SYNE2: variants seen among roughly 807,000 people sequenced by gnomAD.
SYNE2 encodes the protein spectrin repeat containing nuclear envelope protein 2, also known as nesprin-2.
Under a neutral mutation model 856.3 loss-of-function variants are expected in SYNE2, and 431 were observed. That is an observed-to-expected ratio of 0.50 (90% CI 0.47 to 0.55). The LOEUF (loss-of-function observed/expected upper bound fraction) is 0.55, where lower values mean the gene tolerates loss of function less well. Ranked by LOEUF, SYNE2 falls within the 20% of genes least tolerant of loss-of-function variation. SYNE2 has a pLI of 0.00. For missense variants in SYNE2, 8,129 were observed against 8,023.2 expected (o/e 1.01, Z -0.50); for synonymous variants, 2,923 against 2,872.3 (o/e 1.02, Z -0.56).
intron 29 of SYNE2, among the ~76,000 whole-genome samples, chr14:64,002,365 G>A (rs1373161149): frequency 1.3e-5 from 2 of 152,078 alleles, no homozygotes; most frequent in African/African-American, 2.4e-5. Flanking sequence ...CTAAATATAC[G>A]AGACTCATGC....
In SYNE2 at chr14:64,031,248, G is replaced by T. The variant is rs1434568897; in HGVS notation, c.7112G>T (p.Gly2371Val). 6.2e-7 allele frequency: 1 copy of T among 1,614,030 alleles called. No individual in the cohort carries two copies. The highest frequency in any genetic ancestry group is 8.5e-7 in the Non-Finnish European group (1 of 1,180,040). ...LKSKRSTEKK[G>V]KFTLPGREKQ... is the part of the protein sequence containing the mutation. ...TCAAAACGCTCAACAGAAAAGAAAG[G>T]AAAGTTTACTCTGCCAGGCAGAGAG... is the stretch of plus-strand genomic sequence containing the variant. Residue 2371 changes from glycine to valine, a missense_variant, in exon 45 of 116, where the codon GGA becomes GTA. This residue lies in a region of SYNE2 where 297 missense variants were observed against 380.9 expected (regional missense o/e 0.78). Transcript: ENST00000555002.
At chr14:64,076,164 A>G in intron 54 of SYNE2, 64 bp downstream of exon 54, 1 of 1,555,590 alleles carries the variant, frequency 6.4e-7, no homozygotes, top group Non-Finnish European at 8.8e-7. Context: ...GGAGGAAAAT[A>G]TCATTTAATG....
intron 1 of SYNE2, among the ~76,000 whole-genome samples, chr14:63,907,171 T>C (rs2095418644): frequency 6.6e-6 from 1 of 152,230 alleles, no homozygotes; most frequent in Non-Finnish European, 1.5e-5. Context: ...TCTGTACTTA[T>C]TAGAGGATTT....
At chr14:63,889,765 A>T (rs1303701863) in intron 1 of SYNE2, among the ~76,000 whole-genome samples, 1 of 152,126 alleles carries the variant, frequency 6.6e-6, no homozygotes, top group East Asian at 1.9e-4. Context: ...GATGTGAGCC[A>T]CTGTGCCCGG....
At chr14:63,847,325 G>A (rs1437939297) in intron 1 of SYNE2, among the ~76,000 whole-genome samples, 3 of 151,710 alleles carry the variant, frequency 2.0e-5, no homozygotes, top group Non-Finnish European at 4.4e-5. Flanking sequence ...GTGGTGGCAT[G>A]TGCCTGCTGT....
At chr14:63,772,696 C>G (rs561023761) in intron 1 of SYNE2, among the ~76,000 whole-genome samples, 28 of 147,872 alleles carry the variant, frequency 1.9e-4, no homozygotes, top group Admixed American at 1.7e-3. Context: ...GGAGCCGAGA[C>G]CATTCCACTG....
Position 64,131,604 on chromosome 14 carries a change from C to T in SYNE2, c.14341-661C>T, listed in dbSNP as rs570100690. 4.6e-5 allele frequency among the ~76,000 whole-genome samples: 7 copies of T among 152,166 alleles called. 1 individual carries two copies. In the South Asian group the frequency reaches 8.3e-4, roughly 18 times the overall value. On this transcript the variant is annotated intron_variant, in intron 76 of 115. Coordinates refer to ENST00000555002, the MANE Select transcript of SYNE2 (RefSeq NM_182914.3). ...TTTTTGTTTTTGTTTTTTTAAGAGA[C>T]ACGGTCTCACTCTGTATTCCAGGCT...
chr14:64,037,671 CCGGG>C, intron 45 of SYNE2, among the ~76,000 whole-genome samples: 9 of 16,376 alleles, frequency 5.5e-4, no homozygotes, highest in Admixed American at 7.4e-4. Flanking sequence ...AGGGTGGTGG[CCGGG>C]CAGAGGGGCC....
intron 1 of SYNE2, among the ~76,000 whole-genome samples, chr14:63,869,647 A>AAC (rs1470087414): frequency 7.3e-5 from 11 of 151,276 alleles, no homozygotes; most frequent in Non-Finnish European, 1.6e-4. Context: ...AAAAAAAAAA[A>AAC]AAAAAAAAAA....
chr14:64,016,469 A>T lies in SYNE2; in HGVS notation c.4729-4A>T, dbSNP rs2153526550. 2 of 1,555,690 alleles carry T rather than the reference A, an allele frequency of 1.3e-6. No individual in the cohort carries two copies. Among genetic ancestry groups the T allele is most frequent in the Middle Eastern group, 2.2e-4 (1 of 4,602 alleles). On this transcript the variant is annotated splice_region_variant and splice_polypyrimidine_tract_variant and intron_variant, in intron 32 of 115. Coordinates refer to ENST00000555002, the MANE Select transcript of SYNE2 (RefSeq NM_182914.3). ...CAGAAATAACTTTCATATCTTTTTTACAGATTGAAATTGTCAAAGAAGAAT... is the reference window on the plus strand; with the variant it reads ...CAGAAATAACTTTCATATCTTTTTTTCAGATTGAAATTGTCAAAGAAGAAT...
At chr14:63,986,378 G>A (rs2096625802) in intron 18 of SYNE2, 78 bp from the exon 19 acceptor site, 1 of 1,491,412 alleles carries the variant, frequency 6.7e-7, no homozygotes, top group African/African-American at 1.4e-5. Context: ...GGGATTACAG[G>A]TGTAACTTTT....
Position 64,080,165 on chromosome 14 carries a change from G to T in SYNE2, c.11164-291G>T, listed in dbSNP as rs114397077. ...TTGCTTGTCACTCTTGAGAGATGAG[G>T]GCTATATTGACCTTGTTTGTGTCAG... On this transcript the variant is annotated intron_variant, in intron 55 of 115. Coordinates refer to ENST00000555002, the MANE Select transcript of SYNE2 (RefSeq NM_182914.3). 0.014 allele frequency among the ~76,000 whole-genome samples: 2,144 copies of T among 152,132 alleles called. 57 individuals carry two copies. Among genetic ancestry groups the T allele is most frequent in the African/African-American group, 0.05 (2,061 of 41,480 alleles).
chr14:63,836,040 A>G (rs1255839669), intron 1 of SYNE2, among the ~76,000 whole-genome samples: 1 of 151,396 alleles, frequency 6.6e-6, no homozygotes, highest in African/African-American at 2.4e-5. Flanking sequence ...TTTAATTTGC[A>G]TTTCTAGTTC....
In SYNE2 at chr14:63,902,897, C is replaced by G. The variant is rs143267920; in HGVS notation, c.-51-6201C>G. Among the ~76,000 whole-genome samples the G allele has an allele frequency of 2.6e-5, 4 of 151,954 alleles. No homozygotes were observed. In the East Asian group the frequency reaches 7.8e-4, roughly 29 times the overall value. On this transcript the variant is annotated intron_variant, in intron 1 of 115. Transcript: ENST00000555002. Reference sequence around the variant, plus strand: ...TTTTTGTTGAGATGAAGGCTGGTTTCGAAGTCCTGGTCTCAAGCAGTCCTC... The same window carrying G: ...TTTTTGTTGAGATGAAGGCTGGTTTGGAAGTCCTGGTCTCAAGCAGTCCTC...
intron 30 of SYNE2, 135 bp downstream of exon 30, chr14:64,003,465 T>C (rs895402940): frequency 1.6e-6 from 2 of 1,239,774 alleles, no homozygotes; most frequent in East Asian, 4.6e-5. Context: ...TCAGCATTCT[T>C]TTCTGTAGAC....
intron 65 of SYNE2, 44 bp downstream of exon 65, chr14:64,107,651 C>A: frequency 2.1e-6 from 3 of 1,450,832 alleles, no homozygotes; most frequent in Non-Finnish European, 2.9e-6. Flanking sequence ...GATAGCTGGA[C>A]TAGCACCTAG....
intron 1 of SYNE2, 126 bp from the exon 2 acceptor site, chr14:63,908,972 C>T (rs770554110): frequency 3.2e-6 from 2 of 625,194 alleles, no homozygotes; most frequent in Non-Finnish European, 5.8e-6. Context: ...ACCATGGAAG[C>T]ACATAGTAGA....
chr14:64,186,286 G>A, intron 96 of SYNE2, 138 bp from the exon 97 acceptor site: 1 of 1,117,764 alleles, frequency 8.9e-7, no homozygotes, highest in Non-Finnish European at 1.4e-6. Context: ...GTCTTGGGCT[G>A]TTTCCCATTC....
rs887248986 is a variant in SYNE2, at chr14:64,098,051, T to C, written c.12211T>C (p.Leu4071=). Residue 4071 remains leucine (L), a synonymous_variant, in exon 62 of 116, where the codon TTG becomes CTG. Coordinates refer to ENST00000555002, the MANE Select transcript of SYNE2 (RefSeq NM_182914.3). ...CACCGTACTAAACCTTCACCAGCAT[T>C]TGAAGCAAGAACAAGAAGGAGTAGA... The part of the protein sequence containing the change: ...KATVLNLHQH[L]KQEQEGVERD... The C allele has an allele frequency of 3.7e-6, 6 of 1,614,032 alleles. No homozygotes were observed. The Admixed American group carries it at 8.3e-5, about 22-fold the overall frequency.
Sources: gnomAD v4.1 joint callset for allele counts (sites outside exome capture counted in the v4.1 genomes callset) on GRCh38, gnomAD v4.1.1 for gene constraint, gnomAD v4.1.1 regional missense constraint, MANE v1.5 for transcripts, NCBI Gene and HGNC (gene_info 2026-07-23, HGNC 2026-07-21) for gene names.